Variants in ADGRV1 observed in about 807,000 individuals in gnomAD.
ADGRV1 encodes the protein G-protein coupled receptor 98.
A neutral mutation model predicts 596.2 loss-of-function variants in ADGRV1; 359 were observed. The ratio of observed to expected loss-of-function variants is 0.60; its 90% CI spans 0.55 to 0.66. The LOEUF (loss-of-function observed/expected upper bound fraction) is 0.66. ADGRV1 is among the 30% of genes least tolerant of loss of function. The pLI, the probability that ADGRV1 is intolerant of heterozygous loss-of-function variation, is 0.00. For synonymous variants in ADGRV1, 2,681 were observed against 2,679.2 expected, an observed-to-expected ratio of 1.00 and a Z score of -0.02; for missense variants, 7,274 against 7,575.6, an observed-to-expected ratio of 0.96 and a Z score of 1.48.
Position 90,756,473 on chromosome 5 carries a change from A to G in ADGRV1, c.11600A>G (p.Glu3867Gly). 1 of 1,539,854 alleles carries G rather than the reference A, an allele frequency of 6.5e-7. No individual in the cohort carries two copies. Among genetic ancestry groups the G allele is most frequent in the East Asian group, 2.3e-5 (1 of 42,740 alleles). ...SILPDDLPEL[E>G]EGFIVTITEV... ...CCCCAGGATGACCTTCCTGAATTGGAGGAAGGATTTATTGTCACTATCACT... is the reference window on the plus strand; with the variant it reads ...CCCCAGGATGACCTTCCTGAATTGGGGGAAGGATTTATTGTCACTATCACT... Residue 3867 changes from glutamate to glycine, a missense_variant, in exon 56 of 90, where the codon GAG becomes GGG. By Grantham distance (98) the Glu-to-Gly change is moderately conservative. This residue lies in a region of ADGRV1 where 3,643 missense variants were observed against 3,809.2 expected (regional missense o/e 0.96). Transcript: ENST00000405460.
chr5:90,643,138 GAAAGAGGTGGGCA>G, intron 13 of ADGRV1, 97 bp downstream of exon 13: 3 of 1,104,564 alleles, frequency 2.7e-6, no homozygotes, highest in Non-Finnish European at 3.8e-6. Flanking sequence ...AAAGAGACAG[GAAAGAGGTGGGCA>G]AGAAAAGACT....
chr5:90,807,498 A>G, intron 72 of ADGRV1, 104 bp from the exon 73 acceptor site: 4 of 1,146,906 alleles, frequency 3.5e-6, no homozygotes, highest in Admixed American at 2.7e-5. Context: ...GTGAACTATA[A>G]TTGAATTTTG....
intron 1 of ADGRV1, among the ~76,000 whole-genome samples, chr5:90,596,664 CCTGCAATTGCAGGCACT>C (rs942867675): frequency 5.9e-5 from 9 of 152,180 alleles, no homozygotes; most frequent in Non-Finnish European, 8.8e-5. Flanking sequence ...GCGGCGCGCG[CCTGCAATTGCAGGCACT>C]CCGCAGGCTG....
At chr5:90,754,929 A>ATT (rs1755667672) in intron 54 of ADGRV1, 54 bp from the exon 55 acceptor site, 1 of 1,262,216 alleles carries the variant, frequency 7.9e-7, no homozygotes, top group Non-Finnish European at 1.2e-6. Flanking sequence ...TCCTTGTAAC[A>ATT]GCATTGACAG....
chr5:90,699,205 T>G (rs1747586908), intron 34 of ADGRV1, among the ~76,000 whole-genome samples: 1 of 152,158 alleles, frequency 6.6e-6, no homozygotes, highest in African/African-American at 2.4e-5. Flanking sequence ...TTTGCGTTAG[T>G]TTTTTGCTAT....
chr5:90,963,851 G>A (rs935359468), intron 83 of ADGRV1, among the ~76,000 whole-genome samples: 24 of 149,748 alleles, frequency 1.6e-4, no homozygotes, highest in Admixed American at 8.1e-4. Flanking sequence ...GAGTCACTTC[G>A]GCATAAGAGA....
chr5:90,851,134 T>TGTGTGTGAGA lies in ADGRV1; in HGVS notation c.17205-2149_17205-2148insTGTGTGAGAG, dbSNP rs757909771. Among the ~76,000 whole-genome samples the TGTGTGTGAGA allele has an allele frequency of 2.2e-3, 176 of 81,508 alleles. 1 individual carries two copies. Among genetic ancestry groups the TGTGTGTGAGA allele is most frequent in the South Asian group, 0.01 (19 of 1,868 alleles). The allele number at this position is 81,508 out of a possible 152,430, so 53.5% of individuals were successfully genotyped here. Reference sequence around the variant, plus strand: ...GTGTGTGTGTGTGTGTGTGTGTGTGTGAGAGAGAGAGAGAGAGAGAGAGAG... The same window carrying TGTGTGTGAGA: ...GTGTGTGTGTGTGTGTGTGTGTGTGTGTGTGTGAGAGAGAGAGAGAGAGAGAGAGAGAGAG... On this transcript the variant is annotated intron_variant, in intron 79 of 89. Transcript: ENST00000405460.
At chr5:90,619,475 C>T (rs990393762) in intron 4 of ADGRV1, among the ~76,000 whole-genome samples, 4 of 152,114 alleles carry the variant, frequency 2.6e-5, no homozygotes, top group Admixed American at 2.6e-4. Flanking sequence ...GATATACCAC[C>T]CATTGCCTTT....
chr5:91,050,772 T>C (rs1786248170), intron 85 of ADGRV1, among the ~76,000 whole-genome samples: 1 of 152,138 alleles, frequency 6.6e-6, no homozygotes, highest in Admixed American at 6.5e-5. Context: ...GGTGGGAGGA[T>C]TGCTTGAGCC....
chr5:91,027,961 T>C (rs547502631), intron 85 of ADGRV1, among the ~76,000 whole-genome samples: 13 of 152,210 alleles, frequency 8.5e-5, no homozygotes, highest in Admixed American at 7.9e-4. Context: ...AATCAGGATT[T>C]CTTAAATAGC....
At chr5:90,619,948 T>G (rs1244252190) in intron 4 of ADGRV1, among the ~76,000 whole-genome samples, 10 of 152,108 alleles carry the variant, frequency 6.6e-5, no homozygotes, top group Non-Finnish European at 1.2e-4. Flanking sequence ...TTTTTATGGC[T>G]GCATAGTATT....
Position 90,625,197 on chromosome 5 carries a change from CT to C in ADGRV1, c.627del (p.Gly210AlafsTer5), listed in dbSNP as rs1554063934. The C allele has an allele frequency of 6.2e-7, 1 of 1,613,626 alleles. No homozygotes were observed. The highest frequency in any genetic ancestry group is 8.5e-7 in the Non-Finnish European group (1 of 1,179,692). On this transcript the variant is annotated frameshift_variant, in exon 6 of 90. Coordinates refer to ENST00000405460, the MANE Select transcript of ADGRV1 (RefSeq NM_032119.4). LOFTEE classifies it high-confidence loss of function. ...GTTAAAGGAAATATCACCTTTCCCC[CT>C]GGCAGAGCAACAGTAATTTATAACT... ...SPVKGNITFP[P>X]GRATVIYNLT...
intron 1 of ADGRV1, among the ~76,000 whole-genome samples, chr5:90,576,275 C>G (rs1255935726): frequency 6.6e-6 from 1 of 151,868 alleles, no homozygotes. Context: ...CCCCCCGCCC[C>G]ACGACAAGCC....
intron 85 of ADGRV1, among the ~76,000 whole-genome samples, chr5:91,056,997 A>G (rs1192482190): frequency 1.3e-5 from 2 of 152,266 alleles, no homozygotes; most frequent in East Asian, 3.8e-4. Context: ...GATGTATAAT[A>G]TAACCACATT....
intron 83 of ADGRV1, among the ~76,000 whole-genome samples, chr5:90,870,243 A>T (rs779206839): frequency 6.6e-6 from 1 of 152,180 alleles, no homozygotes; most frequent in Non-Finnish European, 1.5e-5. Context: ...TGTGGCACTG[A>T]ATTTAGTGAT....
At chr5:91,077,815 G>T (rs112586685) in intron 86 of ADGRV1, among the ~76,000 whole-genome samples, 1 of 152,094 alleles carries the variant, frequency 6.6e-6, no homozygotes, top group Non-Finnish European at 1.5e-5. Flanking sequence ...TGTAATTTTC[G>T]GGCTTGGTTT....
chr5:90,811,928 A>AT (rs57092908), intron 74 of ADGRV1, among the ~76,000 whole-genome samples: 339 of 132,572 alleles, frequency 2.6e-3, no homozygotes, highest in Middle Eastern at 8.0e-3. Context: ...ATCATACTGT[A>AT]TTTTTTTTTT....
rs116783853 is a variant in ADGRV1 at position 90,867,962 on chromosome 5, T to C, written c.17856+4105T>C. Among the ~76,000 whole-genome samples the C allele has an allele frequency of 7.8e-3, 1,189 of 152,228 alleles. 18 individuals are homozygous for C. The highest frequency in any genetic ancestry group is 0.027 in the African/African-American group (1,132 of 41,552). On this transcript the variant is annotated intron_variant, in intron 83 of 89. Transcript: ENST00000405460. ...AAATCTTGCTTTGAAGATTAGGAAA[T>C]TGAGAAGCAGAGGGTCATTTTTCAG...
chr5:90,707,238 G>A (rs906585096), intron 38 of ADGRV1, among the ~76,000 whole-genome samples: 9 of 152,084 alleles, frequency 5.9e-5, no homozygotes, highest in African/African-American at 9.7e-5. Context: ...ATCTCATGTT[G>A]TTTTGGGGAC....
Sources: allele counts gnomAD v4.1 joint callset (sites outside exome capture counted in the v4.1 genomes callset), GRCh38; gene constraint gnomAD v4.1.1; regional missense constraint gnomAD v4.1.1; transcripts MANE v1.5; gene names NCBI Gene and HGNC (gene_info 2026-07-23, HGNC 2026-07-21).